TTC17: variants seen among roughly 807,000 people sequenced by gnomAD.
The protein encoded by TTC17 is tetratricopeptide repeat domain 17, also known as tetratricopeptide repeat protein 17.
Under a neutral mutation model 143.8 loss-of-function variants are expected in TTC17, and 58 were observed. The observed-to-expected ratio is 0.40, with a 90% CI of 0.33 to 0.50. The LOEUF is 0.50. TTC17 is among the 20% of genes least tolerant of loss of function. TTC17 has a pLI of 0.49. For missense variants in TTC17, 1,273 were observed against 1,392.5 expected (o/e 0.91, Z 1.37); for synonymous variants, 501 against 497.8 (o/e 1.01, Z -0.09).
chr11:43,412,231 C>G (rs1858447039), intron 15 of TTC17, among the ~76,000 whole-genome samples: 2 of 152,142 alleles, frequency 1.3e-5, no homozygotes, highest in Non-Finnish European at 2.9e-5. Context: ...CACCTGTGAT[C>G]TCAGCACTTT....
intron 21 of TTC17, among the ~76,000 whole-genome samples, chr11:43,461,103 G>T (rs182448641): frequency 1.7e-4 from 26 of 152,246 alleles, no homozygotes; most frequent in Admixed American, 6.5e-4. Flanking sequence ...ACTAGAAGCC[G>T]GCCGGGCGCG....
At chr11:43,420,484 A>G (rs1158775858) in intron 16 of TTC17, among the ~76,000 whole-genome samples, 1 of 152,238 alleles carries the variant, frequency 6.6e-6, no homozygotes, top group Admixed American at 6.5e-5. Flanking sequence ...CTCTCAGTTT[A>G]ACATGTCACC....
intron 21 of TTC17, among the ~76,000 whole-genome samples, chr11:43,465,429 A>G (rs1211486687): frequency 6.6e-6 from 1 of 152,238 alleles, no homozygotes; most frequent in Non-Finnish European, 1.5e-5. Flanking sequence ...CAGGACTTGA[A>G]ATAACAATGA....
chr11:43,472,406 T>C (rs545802242), intron 21 of TTC17, among the ~76,000 whole-genome samples: 51 of 152,292 alleles, frequency 3.3e-4, no homozygotes, highest in African/African-American at 1.2e-3. Context: ...GTTATACTAA[T>C]ATCAGATAAT....
Position 43,492,040 on chromosome 11 carries a change from G to A in TTC17, c.3171G>A (p.Leu1057=), listed in dbSNP as rs944204243. The change falls in exon 23 of 24, where the codon CTG becomes CTA. Residue 1057 remains leucine (L), a synonymous_variant. Transcript: ENST00000039989. ...HQMKDVPLIS[L]ANILHNAKLW... ...CCCAGGATGTGCCCCTGATTAGCCT[G>A]GCCAACATCTTGCACAATGCCAAGC... 6.2e-7 allele frequency: 1 copy of A among 1,614,022 alleles called. No homozygotes were observed. The highest frequency in any genetic ancestry group is 2.2e-5 in the East Asian group (1 of 44,870).
chr11:43,373,879 G>T (rs1414261453), intron 1 of TTC17, among the ~76,000 whole-genome samples: 2 of 152,192 alleles, frequency 1.3e-5, no homozygotes, highest in Non-Finnish European at 2.9e-5. Flanking sequence ...AGAAACAGAA[G>T]CCCAGGCAGG....
intron 16 of TTC17, among the ~76,000 whole-genome samples, chr11:43,416,324 C>G (rs1334128024): frequency 6.6e-6 from 1 of 152,078 alleles, no homozygotes; most frequent in Non-Finnish European, 1.5e-5. Flanking sequence ...ACTATCATCT[C>G]CCTCAACTCT....
At chr11:43,378,736 A>G (rs1014796030) in intron 1 of TTC17, 1 of 155,074 alleles carries the variant, frequency 6.4e-6, no homozygotes, top group Non-Finnish European at 1.4e-5. Flanking sequence ...TTGTTGATCC[A>G]GAGAACATGA....
intron 11 of TTC17, among the ~76,000 whole-genome samples, chr11:43,404,513 T>C (rs1185838955): frequency 1.3e-5 from 2 of 152,214 alleles, no homozygotes; most frequent in Non-Finnish European, 2.9e-5. Flanking sequence ...AGGCTAATGC[T>C]GGCAGTATAA....
intron 16 of TTC17, among the ~76,000 whole-genome samples, chr11:43,442,054 G>A (rs1003094984): frequency 3.3e-5 from 5 of 152,072 alleles, no homozygotes; most frequent in South Asian, 2.1e-4. Flanking sequence ...CTGCACTCCC[G>A]CGTTATATTG....
chr11:43,375,417 C>T (rs1283460305), intron 1 of TTC17, among the ~76,000 whole-genome samples: 3 of 151,986 alleles, frequency 2.0e-5, no homozygotes, highest in African/African-American at 7.3e-5. Flanking sequence ...AAAATCTTGG[C>T]GACTTTGAAG....
chr11:43,401,505 C>T lies in TTC17; in HGVS notation c.1279C>T (p.Gln427Ter). Reference protein sequence around the residue: ...QQHSLHCQWDQPVRYHRGDIF... With the variant: ...QQHSLHCQWD ...GCATAGTTTACATTGCCAGTGGGAC[C>T]AGCCTGTACGCTATCATCGTGGAGA... The change falls in exon 10 of 24, where the codon CAG becomes TAG. Residue 427 changes from glutamine (Q) to a stop codon, truncating the protein, a stop_gained. Coordinates refer to ENST00000039989, the MANE Select transcript of TTC17 (RefSeq NM_018259.6). LOFTEE classifies it high-confidence loss of function. 1 of 1,613,718 alleles carries T rather than the reference C, an allele frequency of 6.2e-7. No individual in the cohort carries two copies. Among genetic ancestry groups the T allele is most frequent in the Non-Finnish European group, 8.5e-7 (1 of 1,179,880 alleles).
At chr11:43,463,061 G>A (rs957940899) in intron 21 of TTC17, among the ~76,000 whole-genome samples, 20 of 151,754 alleles carry the variant, frequency 1.3e-4, no homozygotes, top group Non-Finnish European at 2.8e-4. Flanking sequence ...GACTACAGGC[G>A]TGCGCCACCA....
chr11:43,407,190 C>A lies in TTC17; in HGVS notation c.1814C>A (p.Ser605Tyr). The A allele has an allele frequency of 6.3e-7, 1 of 1,598,646 alleles. No homozygotes were observed. ...ACTATCCCAGAAGAAGAAATTGGGT[C>A]TTTCTTATTTCATGCTATTAATAAG... ...NYTIPEEEIG[S>Y]FLFHAINKPN... The change falls in exon 14 of 24, where the codon TCT becomes TAT. Residue 605 changes from serine (S) to tyrosine (Y), a missense_variant. Coordinates refer to ENST00000039989, the MANE Select transcript of TTC17 (RefSeq NM_018259.6).
chr11:43,370,258 C>A, intron 1 of TTC17: 1 of 311,132 alleles, frequency 3.2e-6, no homozygotes, highest in Non-Finnish European at 6.4e-6. Flanking sequence ...TCATTCCATC[C>A]CTGTGAAACT....
intron 16 of TTC17, among the ~76,000 whole-genome samples, chr11:43,423,090 G>A (rs952153647): frequency 6.6e-5 from 10 of 152,148 alleles, no homozygotes; most frequent in Non-Finnish European, 1.3e-4. Flanking sequence ...AAGTAAAGTT[G>A]TAGGTATGTT....
intron 2 of TTC17, among the ~76,000 whole-genome samples, chr11:43,382,649 C>G (rs556201416): frequency 5.9e-5 from 9 of 152,094 alleles, no homozygotes; most frequent in Non-Finnish European, 1.2e-4. Flanking sequence ...CTTTGTCTTT[C>G]TCTTACATTT....
At chr11:43,359,528 C>T (rs922123667) in intron 1 of TTC17, among the ~76,000 whole-genome samples, 3 of 152,206 alleles carry the variant, frequency 2.0e-5, no homozygotes, top group Non-Finnish European at 2.9e-5. Context: ...AGGGTGTGCG[C>T]GAGTCCCATG....
intron 1 of TTC17, among the ~76,000 whole-genome samples, chr11:43,375,784 G>A (rs1342793056): frequency 6.6e-6 from 1 of 152,122 alleles, no homozygotes; most frequent in African/African-American, 2.4e-5. Flanking sequence ...ACTTGTTTTT[G>A]TAGGACATCA....
Sources: allele counts gnomAD v4.1 joint callset (sites outside exome capture counted in the v4.1 genomes callset), GRCh38; gene constraint gnomAD v4.1.1; transcripts MANE v1.5; gene names NCBI Gene and HGNC (gene_info 2026-07-23, HGNC 2026-07-21).